Variants in RPSA2 observed in about 807,000 individuals in gnomAD.
RPSA2 encodes ribosomal protein SA 2.
chr19:23,808,537 G>A, the RPSA2 span, among the ~76,000 whole-genome samples: 1 of 152,108 alleles, frequency 6.6e-6, no homozygotes, highest in Middle Eastern at 3.4e-3. Flanking sequence ...GATTACAGGC[G>A]TGAGCCACTG....
At chr19:23,857,993 CT>C in the RPSA2 span, among the ~76,000 whole-genome samples, 1 of 151,420 alleles carries the variant, frequency 6.6e-6, no homozygotes, top group Non-Finnish European at 1.5e-5. Context: ...CTGGAGAAAG[CT>C]TTTTTTTAAA....
chr19:23,818,175 A>C, the RPSA2 span: 2 of 152,174 alleles, frequency 1.3e-5, no homozygotes, highest in African/African-American at 4.8e-5. Context: ...ATATTTAGTT[A>C]GGGTCATTAG....
chr19:23,865,198 C>T, the RPSA2 span, among the ~76,000 whole-genome samples: 2 of 152,108 alleles, frequency 1.3e-5, no homozygotes, highest in African/African-American at 4.8e-5. Context: ...TAAAAAAGTA[C>T]TGGGAATGGG....
chr19:23,818,264 G>T, the RPSA2 span: 1 of 152,164 alleles, frequency 6.6e-6, no homozygotes, highest in African/African-American at 2.4e-5. Flanking sequence ...AGAGACAAGG[G>T]AGTATGAGGC....
At chr19:23,758,887 G>A in the RPSA2 span, 12 of 1,213,886 alleles carry the variant, frequency 9.9e-6, no homozygotes, top group African/African-American at 3.0e-5. Flanking sequence ...GCTGAAGGGA[G>A]AGACAAAGGC....
At chr19:23,857,578 C>G in the RPSA2 span, among the ~76,000 whole-genome samples, 1 of 149,612 alleles carries the variant, frequency 6.7e-6, no homozygotes, top group Non-Finnish European at 1.5e-5. Flanking sequence ...GCAACCTCCA[C>G]CTTCCAATTT....
chr19:23,840,808 A>AT, the RPSA2 span, among the ~76,000 whole-genome samples: 27 of 151,318 alleles, frequency 1.8e-4, no homozygotes, highest in African/African-American at 6.3e-4. Flanking sequence ...AATACAAAAA[A>AT]AAAATTAGCC....
chr19:23,827,183 C>A, the RPSA2 span: 1 of 976,606 alleles, frequency 1.0e-6, no homozygotes, highest in South Asian at 1.4e-5. Flanking sequence ...CCTTGATGTC[C>A]TGCAAATGAA....
At chr19:23,849,483 C>T in the RPSA2 span, among the ~76,000 whole-genome samples, 55 of 152,182 alleles carry the variant, frequency 3.6e-4, no homozygotes, top group Non-Finnish European at 5.6e-4. Flanking sequence ...TGACAACAGA[C>T]AGAAAAGTTT....
At chr19:23,816,936 AG>A in the RPSA2 span, among the ~76,000 whole-genome samples, 1 of 152,226 alleles carries the variant, frequency 6.6e-6, no homozygotes, top group East Asian at 1.9e-4. Context: ...TGGGAATTAA[AG>A]ATGAGACTTG....
chr19:23,858,824 G>T, the RPSA2 span, among the ~76,000 whole-genome samples: 13 of 152,202 alleles, frequency 8.5e-5, no homozygotes, highest in Non-Finnish European at 1.8e-4. Flanking sequence ...AGATTAGGGT[G>T]GGGCAGCCAG....
the RPSA2 span, among the ~76,000 whole-genome samples, chr19:23,857,209 C>T: frequency 6.6e-6 from 1 of 152,182 alleles, no homozygotes; most frequent in Non-Finnish European, 1.5e-5. Context: ...TTCAAACACA[C>T]GTTTTACAAT....
chr19:23,858,890 A>G, the RPSA2 span, among the ~76,000 whole-genome samples: 1 of 152,188 alleles, frequency 6.6e-6, no homozygotes, highest in Non-Finnish European at 1.5e-5. Flanking sequence ...TTTGAGCCCT[A>G]TGTAAATTAG....
At chr19:23,849,584 G>A in the RPSA2 span, among the ~76,000 whole-genome samples, 1 of 152,100 alleles carries the variant, frequency 6.6e-6, no homozygotes, top group South Asian at 2.1e-4. Context: ...ATCATACGAG[G>A]CCTCAGGTGG....
the RPSA2 span, among the ~76,000 whole-genome samples, chr19:23,778,010 C>T: frequency 0.44 from 66,537 of 152,012 alleles, 15,217 homozygotes; most frequent in Non-Finnish European, 0.52. Flanking sequence ...GTCTCTTCTT[C>T]GTAGATTCTA....
chr19:23,803,991 C>A, the RPSA2 span, among the ~76,000 whole-genome samples: 3 of 151,928 alleles, frequency 2.0e-5, no homozygotes, highest in African/African-American at 7.3e-5. Context: ...AATTATTGAA[C>A]ACAGTATAAA....
the RPSA2 span, among the ~76,000 whole-genome samples, chr19:23,840,929 T>A: frequency 7.5e-6 from 1 of 133,450 alleles, no homozygotes; most frequent in South Asian, 2.3e-4. Context: ...ACCATTGCAC[T>A]CCAGCCTGGG....
the RPSA2 span, among the ~76,000 whole-genome samples, chr19:23,859,604 G>A: frequency 2.9e-5 from 4 of 140,180 alleles, no homozygotes; most frequent in African/African-American, 1.1e-4. Flanking sequence ...TCCAGCCTGG[G>A]CAACAATAAC....
the RPSA2 span, among the ~76,000 whole-genome samples, chr19:23,851,993 C>A: frequency 1.3e-5 from 2 of 152,196 alleles, no homozygotes; most frequent in African/African-American, 4.8e-5. Context: ...CGAGCTTGTC[C>A]AATTAGGGTG....
Sources: allele counts gnomAD v4.1 joint callset (sites outside exome capture counted in the v4.1 genomes callset), GRCh38; gene constraint gnomAD v4.1.1; transcripts MANE v1.5; gene names NCBI Gene and HGNC (gene_info 2026-07-23, HGNC 2026-07-21).